CADM1: variants seen among roughly 807,000 people sequenced by gnomAD.
CADM1 encodes the protein TSLC-1.
CADM1 carries 15 observed loss-of-function variants against 53.1 expected under a neutral mutation model. The observed-to-expected ratio is 0.28, with a 90% CI of 0.19 to 0.44. The LOEUF (loss-of-function observed/expected upper bound fraction) is 0.44, where lower values mean the gene tolerates loss of function less well. Ranked by LOEUF, CADM1 falls within the 20% of genes least tolerant of loss-of-function variation. The pLI, the probability that CADM1 is intolerant of heterozygous loss-of-function variation, is 1.00. For missense variants in CADM1, 434 were observed against 611.3 expected, an observed-to-expected ratio of 0.71 and a Z score of 3.06; for synonymous variants, 281 against 243.0, an observed-to-expected ratio of 1.16 and a Z score of -1.45.
intron 1 of CADM1, among the ~76,000 whole-genome samples, chr11:115,293,438 GAAAAA>G (rs796127566): frequency 6.8e-6 from 1 of 146,780 alleles, no homozygotes; most frequent in Admixed American, 6.8e-5. Flanking sequence ...GTCTCAAAAA[GAAAAA>G]AAAAAGATCC....
At chr11:115,325,300 C>A (rs145063465) in intron 1 of CADM1, among the ~76,000 whole-genome samples, 2 of 152,250 alleles carry the variant, frequency 1.3e-5, no homozygotes, top group East Asian at 1.9e-4. Context: ...CCCAGACGTG[C>A]ATCTCCTGGA....
At chr11:115,189,542 A>C (rs1939739864) in intron 10 of CADM1, among the ~76,000 whole-genome samples, 1 of 97,796 alleles carries the variant, frequency 1.0e-5, no homozygotes, top group African/African-American at 4.2e-5. Context: ...GCTTACTTCC[A>C]GCATCACATT....
chr11:115,456,310 C>CAA (rs145245879), intron 1 of CADM1, among the ~76,000 whole-genome samples: 38 of 143,702 alleles, frequency 2.6e-4, no homozygotes, highest in African/African-American at 8.4e-4. Context: ...GACACTGATA[C>CAA]AAAAAAAAAA....
At chr11:115,487,444 A>C (rs1049771355) in intron 1 of CADM1, among the ~76,000 whole-genome samples, 2 of 152,190 alleles carry the variant, frequency 1.3e-5, no homozygotes, top group African/African-American at 4.8e-5. Context: ...ACCTTGAAAA[A>C]TATTCTATTA....
intron 1 of CADM1, among the ~76,000 whole-genome samples, chr11:115,297,772 A>G (rs1259300685): frequency 6.6e-6 from 1 of 152,232 alleles, no homozygotes; most frequent in Non-Finnish European, 1.5e-5. Context: ...AGCCAAACAC[A>G]CTAAAGGATG....
Position 115,422,698 on chromosome 11 carries a change from G to A in CADM1, c.124+81573C>T, listed in dbSNP as rs148002881. ...CTCTTTGGAACAGCACAGATAGTTC[G>A]CTGTGCCCTTTGAAAACATAAGAGA... On this transcript the variant is annotated intron_variant, in intron 1 of 11. Coordinates refer to ENST00000331581, the MANE Select transcript of CADM1 (RefSeq NM_001301043.2). Among the ~76,000 whole-genome samples the A allele has an allele frequency of 1.3e-3, 200 of 152,240 alleles. 1 individual carries two copies. Among genetic ancestry groups the A allele is most frequent in the African/African-American group, 4.5e-3 (186 of 41,542 alleles).
intron 1 of CADM1, among the ~76,000 whole-genome samples, chr11:115,458,050 T>C (rs2135365850): frequency 1.3e-5 from 2 of 152,228 alleles, no homozygotes; most frequent in Admixed American, 1.3e-4. Context: ...TTTATGGGTG[T>C]ACTCTTCTCT....
chr11:115,400,281 CA>C (rs1947103410), intron 1 of CADM1, among the ~76,000 whole-genome samples: 2 of 151,902 alleles, frequency 1.3e-5, no homozygotes, highest in Admixed American at 6.6e-5. Flanking sequence ...CCAGATATTT[CA>C]AAATATTATA....
At chr11:115,368,110 CTTTTTTTTTTTTTTT>C (rs58589028) in intron 1 of CADM1, among the ~76,000 whole-genome samples, 3 of 61,866 alleles carry the variant, frequency 4.8e-5, no homozygotes, top group African/African-American at 6.8e-5. Flanking sequence ...TCACTAGAGT[CTTTTTTTTTTTTTTT>C]TTTTTTTTTT....
chr11:115,487,156 C>A (rs925938834), intron 1 of CADM1, among the ~76,000 whole-genome samples: 1 of 152,134 alleles, frequency 6.6e-6, no homozygotes, highest in Non-Finnish European at 1.5e-5. Flanking sequence ...GGTTTTTAAA[C>A]CATTTTTTAA....
chr11:115,195,339 AC>A (rs1289798635), intron 9 of CADM1, among the ~76,000 whole-genome samples: 1 of 152,230 alleles, frequency 6.6e-6, no homozygotes, highest in African/African-American at 2.4e-5. Context: ...TAAACTTCAT[AC>A]ATACTCTAGC....
At chr11:115,451,348 G>C (rs1948567373) in intron 1 of CADM1, among the ~76,000 whole-genome samples, 1 of 152,148 alleles carries the variant, frequency 6.6e-6, no homozygotes, top group African/African-American at 2.4e-5. Flanking sequence ...CATTGATACA[G>C]GTATGTAAGA....
At chr11:115,340,427 A>G (rs1473152954) in intron 1 of CADM1, among the ~76,000 whole-genome samples, 2 of 150,876 alleles carry the variant, frequency 1.3e-5, no homozygotes, top group African/African-American at 4.9e-5. Context: ...ACTCTGAAAA[A>G]TAACTAGAAT....
chr11:115,231,364 G>C lies in CADM1; in HGVS notation c.551C>G (p.Thr184Arg). 1 of 1,614,150 alleles carries C rather than the reference G, an allele frequency of 6.2e-7. No individual in the cohort carries two copies. The highest frequency in any genetic ancestry group is 8.5e-7 in the Non-Finnish European group (1 of 1,179,996). ...ATTIRWFKGN[T>R]ELKGKSEVEE... ...AATCTGCAGCTTACCTTTTAGCTCT[G>C]TGTTCCCTTTGAACCACCTGATAGT... Residue 184 changes from threonine to arginine, a missense_variant, in exon 4 of 12, where the codon ACA becomes AGA. Around this residue, in one of 4 missense-constraint regions of CADM1, gnomAD observed 311 missense variants for 435.1 expected, o/e 0.71. Coordinates refer to ENST00000331581, the MANE Select transcript of CADM1 (RefSeq NM_001301043.2).
intron 1 of CADM1, chr11:115,445,867 G>C (rs1948440246): frequency 2.6e-6 from 1 of 391,696 alleles, no homozygotes; most frequent in Non-Finnish European, 5.1e-6. Context: ...AGAGAGAGAG[G>C]TAATACAATT....
In CADM1 at chr11:115,171,355, G is replaced by C. The variant is rs1216904225; in HGVS notation, c.*5119C>G. ...GAGGTTCTTGATGACAGAATCAAAG[G>C]AGCATTTCTCCATGGAGCAAGTCCA... On this transcript the variant is annotated 3_prime_UTR_variant, in exon 12 of 12. Coordinates refer to ENST00000331581, the MANE Select transcript of CADM1 (RefSeq NM_001301043.2). 1.3e-5 allele frequency: 2 copies of C among 152,158 alleles called. No homozygotes were observed. Among genetic ancestry groups the C allele is most frequent in the Non-Finnish European group, 2.9e-5 (2 of 68,026 alleles). 9.4% of individuals were successfully genotyped at this position (152,158 alleles called of 1,614,324 possible).
At chr11:115,374,333 C>T (rs894210897) in intron 1 of CADM1, among the ~76,000 whole-genome samples, 1 of 152,084 alleles carries the variant, frequency 6.6e-6, no homozygotes, top group Non-Finnish European at 1.5e-5. Flanking sequence ...CAAAATAATA[C>T]TAAAGCAAAA....
intron 8 of CADM1, 130 bp from the exon 9 acceptor site, chr11:115,198,568 C>A: frequency 1.4e-6 from 1 of 707,424 alleles, no homozygotes; most frequent in Non-Finnish European, 2.5e-6. Context: ...GCGTGACAAG[C>A]AATAATAAAT....
intron 3 of CADM1, among the ~76,000 whole-genome samples, chr11:115,235,400 T>C (rs1459063458): frequency 6.6e-6 from 1 of 152,188 alleles, no homozygotes; most frequent in African/African-American, 2.4e-5. Flanking sequence ...AACCAGAGAA[T>C]ATACTTATGC....
Sources: gnomAD v4.1 joint callset for allele counts (sites outside exome capture counted in the v4.1 genomes callset) on GRCh38, gnomAD v4.1.1 for gene constraint, gnomAD v4.1.1 regional missense constraint, MANE v1.5 for transcripts, NCBI Gene and HGNC (gene_info 2026-07-23, HGNC 2026-07-21) for gene names.